The following PFKFB3 variants were observed in gnomAD, a reference collection of about 807,000 sequenced individuals.
The protein encoded by PFKFB3 is 6-phosphofructo-2-kinase/fructose-2,6-bisphosphatase 3.
PFKFB3 carries 33 observed loss-of-function variants against 68.0 expected under a neutral mutation model. The observed-to-expected ratio is 0.49, with a 90% CI of 0.37 to 0.65. PFKFB3 has a LOEUF of 0.65. Among genes scored for constraint, PFKFB3 ranks in the 30% least tolerant of loss-of-function variants. The pLI is 0.00. For missense variants in PFKFB3, 586 were observed against 712.2 expected (o/e 0.82, Z 2.02); for synonymous variants, 315 against 288.2 (o/e 1.09, Z -0.94).
the PFKFB3 span, among the ~76,000 whole-genome samples, chr10:6,323,841 T>G: frequency 1.1e-4 from 17 of 151,992 alleles, no homozygotes; most frequent in African/African-American, 3.9e-4. Context: ...CTGTGGAAAA[T>G]GGGATGGTGG....
chr10:6,150,348 C>T (rs912440641), intron 1 of PFKFB3, among the ~76,000 whole-genome samples: 15 of 152,276 alleles, frequency 9.9e-5, no homozygotes, highest in African/African-American at 2.9e-4. Flanking sequence ...AGGCCAGGCA[C>T]GGTGGCTCAT....
chr10:6,221,291 A>T (rs1844939753), intron 8 of PFKFB3, 90 bp from the exon 9 acceptor site: 1 of 1,485,284 alleles, frequency 6.7e-7, no homozygotes, highest in Admixed American at 1.9e-5. Flanking sequence ...CAGGTAGTGC[A>T]CAGCCCTACG....
intron 1 of PFKFB3, among the ~76,000 whole-genome samples, chr10:6,205,153 T>C (rs2131872632): frequency 6.6e-6 from 1 of 152,338 alleles, no homozygotes; most frequent in African/African-American, 2.4e-5. Flanking sequence ...ACTGCTGGTA[T>C]CCTCCTGTGT....
chr10:6,183,612 AAAATAT>A (rs200301192), intron 1 of PFKFB3, among the ~76,000 whole-genome samples: 1,387 of 55,220 alleles, frequency 0.025, 13 homozygotes, highest in East Asian at 0.09. Context: ...AAAAAAAAAA[AAAATAT>A]ATATATATAT....
intron 1 of PFKFB3, among the ~76,000 whole-genome samples, chr10:6,212,077 T>C (rs998225808): frequency 2.0e-4 from 31 of 152,240 alleles, no homozygotes; most frequent in African/African-American, 6.3e-4. Context: ...GACATCTGCC[T>C]GGTTCTGTGT....
chr10:6,216,694 T>C lies in PFKFB3; in HGVS notation c.367-12T>C, dbSNP rs1307181062. 1 of 1,586,024 alleles carries C rather than the reference T, an allele frequency of 6.3e-7. No individual in the cohort carries two copies. The highest frequency in any genetic ancestry group is 1.3e-5 in the African/African-American group (1 of 74,418). On this transcript the variant is annotated splice_polypyrimidine_tract_variant and intron_variant, in intron 4 of 14. Coordinates refer to ENST00000379775, the MANE Select transcript of PFKFB3 (RefSeq NM_004566.4). ...TAGAGTTTTCTTCCTGGCCCTTTGC[T>C]CTCCATATCAGGTTTTCGATGCCAC... is the stretch of plus-strand genomic sequence containing the variant.
chr10:6,285,414 G>A, the PFKFB3 span, among the ~76,000 whole-genome samples: 1 of 151,886 alleles, frequency 6.6e-6, no homozygotes. Flanking sequence ...TGTATTTTTA[G>A]TAGAGACGGG....
At chr10:6,258,757 T>G (rs78669254), downstream of PFKFB3, among the ~76,000 whole-genome samples, 1 of 152,198 alleles carries the variant, frequency 6.6e-6, no homozygotes, top group African/African-American at 2.4e-5. Flanking sequence ...ACAGCCTGGA[T>G]TGATGGCCTT....
intron 1 of PFKFB3, chr10:6,146,555 C>G: frequency 2.0e-6 from 3 of 1,466,746 alleles, no homozygotes; most frequent in Non-Finnish European, 2.8e-6. Context: ...GTGTCCCTCC[C>G]CCCCTACTCA....
At chr10:6,159,398 T>TA (rs140761926) in intron 1 of PFKFB3, among the ~76,000 whole-genome samples, 4,023 of 143,586 alleles carry the variant, frequency 0.028, 81 homozygotes, top group Non-Finnish European at 0.039. Flanking sequence ...CTGTCTTAAT[T>TA]AAAAAAAACA....
At position 6,215,511 on chromosome 10, in the gene PFKFB3, G is replaced by A. The variant is rs1160892645; in HGVS notation, c.299+194G>A. Among the ~76,000 whole-genome samples the A allele has an allele frequency of 6.6e-6, 1 of 152,112 alleles. No homozygotes were observed. Among genetic ancestry groups the A allele is most frequent in the Non-Finnish European group, 1.5e-5 (1 of 68,022 alleles). ...GCTTTGTTCTGAGCCAGGCTCTGTA[G>A]GAGGCAGAGAAAGCCGGCCTGCGGG... On this transcript the variant is annotated intron_variant, in intron 3 of 14. Coordinates refer to ENST00000379775, the MANE Select transcript of PFKFB3 (RefSeq NM_004566.4). This position sits in a 1 kb window ranked among gnomAD's most constrained non-coding sequence, Gnocchi z 4.3.
chr10:6,187,154 A>G (rs907606103), intron 1 of PFKFB3, among the ~76,000 whole-genome samples: 6 of 151,660 alleles, frequency 4.0e-5, no homozygotes, highest in African/African-American at 1.5e-4. Context: ...GAAGGTTGGG[A>G]GTTCAAGACC....
At chr10:6,302,306 C>T in the PFKFB3 span, among the ~76,000 whole-genome samples, 4 of 149,738 alleles carry the variant, frequency 2.7e-5, no homozygotes, top group African/African-American at 9.9e-5. Context: ...CCACCTGCCT[C>T]GGCCTCCCAA....
chr10:6,182,222 G>A (rs1002678840), intron 1 of PFKFB3, among the ~76,000 whole-genome samples: 2 of 152,022 alleles, frequency 1.3e-5, no homozygotes, highest in African/African-American at 2.4e-5. Flanking sequence ...GCAAAGGCCA[G>A]CCCGCTTCTC....
intron 14 of PFKFB3, chr10:6,231,660 C>CA: frequency 1.1e-6 from 1 of 903,128 alleles, no homozygotes; most frequent in South Asian, 5.1e-5. Flanking sequence ...TCTGTGATCC[C>CA]ACAGCCCGGC....
the PFKFB3 span, among the ~76,000 whole-genome samples, chr10:6,316,319 C>A: frequency 6.6e-6 from 1 of 152,180 alleles, no homozygotes; most frequent in East Asian, 1.9e-4. Context: ...AATGTCAGAG[C>A]CACGTGGAGG....
intron 1 of PFKFB3, among the ~76,000 whole-genome samples, chr10:6,169,300 G>A (rs1313549982): frequency 1.3e-5 from 2 of 152,212 alleles, no homozygotes; most frequent in African/African-American, 4.8e-5. Flanking sequence ...CTACCTGGGG[G>A]AGAGCACATT....
chr10:6,166,436 A>G (rs1325642471), intron 1 of PFKFB3, among the ~76,000 whole-genome samples: 1 of 151,410 alleles, frequency 6.6e-6, no homozygotes, highest in Non-Finnish European at 1.5e-5. Flanking sequence ...CACTCAATGC[A>G]TCTATTTTAG....
chr10:6,266,935 C>T, the PFKFB3 span, among the ~76,000 whole-genome samples: 2 of 152,156 alleles, frequency 1.3e-5, no homozygotes, highest in East Asian at 1.9e-4. Context: ...GACAGCGTAA[C>T]GCAAGATTGT....
Sources: gnomAD v4.1 joint callset for allele counts (sites outside exome capture counted in the v4.1 genomes callset) on GRCh38, gnomAD v4.1.1 for gene constraint, Gnocchi (gnomAD v3.1) non-coding constraint, MANE v1.5 for transcripts, NCBI Gene and HGNC (gene_info 2026-07-23, HGNC 2026-07-21) for gene names.